Variants in SNTB1 observed in about 807,000 individuals in gnomAD.
The protein encoded by SNTB1 is syntrophin beta 1.
Under a neutral mutation model 48.9 loss-of-function variants are expected in SNTB1, and 36 were observed. That is an observed-to-expected ratio of 0.74 (90% CI 0.56 to 0.97). The LOEUF is 0.97. SNTB1 is among the 50% of genes least tolerant of loss of function. The probability of loss-of-function intolerance (pLI) is 0.00; values close to 1 mark genes in which losing one functional copy is unlikely to be tolerated. For missense variants in SNTB1, 786 were observed against 703.4 expected (o/e 1.12, Z -1.33); for synonymous variants, 299 against 294.6 (o/e 1.01, Z -0.15).
chr8:120,667,699 C>G (rs1817696480), intron 2 of SNTB1, among the ~76,000 whole-genome samples: 1 of 151,978 alleles, frequency 6.6e-6, no homozygotes, highest in South Asian at 2.1e-4. Flanking sequence ...TGAATTTTAC[C>G]TTATTGAAGG....
At chr8:120,607,425 C>CT (rs1816542917) in intron 3 of SNTB1, among the ~76,000 whole-genome samples, 1 of 122,782 alleles carries the variant, frequency 8.1e-6, no homozygotes, top group African/African-American at 3.7e-5. Context: ...AAAAAGTATA[C>CT]TTTAAGTTTT....
At chr8:120,695,027 A>T (rs372777275) in intron 1 of SNTB1, among the ~76,000 whole-genome samples, 5 of 152,146 alleles carry the variant, frequency 3.3e-5, no homozygotes, top group Admixed American at 2.6e-4. Flanking sequence ...GAATTTGAGC[A>T]TTTGGTCTTT....
At chr8:120,695,056 C>G (rs1016405854) in intron 1 of SNTB1, among the ~76,000 whole-genome samples, 1 of 152,130 alleles carries the variant, frequency 6.6e-6, no homozygotes, top group Admixed American at 6.6e-5. Flanking sequence ...TTTGGGTTAA[C>G]AGGGCAACGA....
Position 120,536,717 on chromosome 8 carries a change from ATG to A in SNTB1, c.*2158_*2159del, listed in dbSNP as rs772637590. ...AATTAAATGTTTATAAATGTAGAGA[ATG>A]TAGTTTCCATTGACCCCCACACAGA... On this transcript the variant is annotated 3_prime_UTR_variant, in exon 7 of 7. Coordinates refer to ENST00000517992, the MANE Select transcript of SNTB1 (RefSeq NM_021021.4). The A allele has an allele frequency of 6.6e-6, 1 of 152,102 alleles. No individual in the cohort carries two copies. The highest frequency in any genetic ancestry group is 1.9e-4 in the East Asian group (1 of 5,194). 9.4% of individuals were successfully genotyped at this position (152,102 alleles called of 1,614,324 possible).
chr8:120,640,698 T>G (rs1256398974), intron 2 of SNTB1, among the ~76,000 whole-genome samples: 1 of 152,208 alleles, frequency 6.6e-6, no homozygotes, highest in Non-Finnish European at 1.5e-5. Flanking sequence ...TTTGCGTATG[T>G]TGAACCAGCC....
rs757400654 is a variant in SNTB1, at chr8:120,811,820, C to G, written c.24G>C (p.Ala8=). ...CTCCCGCGCCAGCCGGCCCAGCCGC[C>G]GCCGCCGCCGCCGCTACCGCCATCT... MAVAAAA[A]AAGPAGAGGG... The change falls in exon 1 of 7, where the codon GCG becomes GCC. Residue 8 remains alanine, a synonymous_variant. Transcript: ENST00000517992. 7.4e-7 allele frequency: 1 copy of G among 1,349,926 alleles called. No homozygotes were observed. Among genetic ancestry groups the G allele is most frequent in the East Asian group, 3.1e-5 (1 of 32,510 alleles). The allele number at this position is 1,349,926 out of a possible 1,614,324, so 83.6% of individuals were successfully genotyped here. A position where few individuals can be genotyped will look rare whatever the true frequency, so the allele number is the denominator to read the frequency against.
At chr8:120,664,245 G>A (rs1027661612) in intron 2 of SNTB1, among the ~76,000 whole-genome samples, 7 of 152,206 alleles carry the variant, frequency 4.6e-5, no homozygotes, top group African/African-American at 1.7e-4. Context: ...GGAGAATGAA[G>A]AGTGGGTATT....
chr8:120,679,003 C>T (rs1817884871), intron 2 of SNTB1, among the ~76,000 whole-genome samples: 1 of 152,232 alleles, frequency 6.6e-6, no homozygotes, highest in Non-Finnish European at 1.5e-5. Context: ...CCTCCCAGGG[C>T]TATAGTCCTC....
At chr8:120,555,966 C>G (rs2130661128) in intron 4 of SNTB1, among the ~76,000 whole-genome samples, 1 of 152,312 alleles carries the variant, frequency 6.6e-6, no homozygotes, top group African/African-American at 2.4e-5. Flanking sequence ...TCTTGGACTT[C>G]CAGCCTCCAG....
intron 4 of SNTB1, among the ~76,000 whole-genome samples, chr8:120,556,653 CA>C (rs1161202913): frequency 1.3e-5 from 2 of 152,170 alleles, no homozygotes; most frequent in African/African-American, 4.8e-5. Flanking sequence ...TCAAGGCCAT[CA>C]GACAAGATAA....
At chr8:120,582,488 C>A (rs1816064022) in intron 3 of SNTB1, among the ~76,000 whole-genome samples, 1 of 151,776 alleles carries the variant, frequency 6.6e-6, no homozygotes, top group African/African-American at 2.4e-5. Context: ...TCAACAAAAC[C>A]AAAATCTGTT....
At chr8:120,804,316 C>A (rs1475455772) in intron 1 of SNTB1, among the ~76,000 whole-genome samples, 2 of 151,954 alleles carry the variant, frequency 1.3e-5, no homozygotes, top group African/African-American at 4.8e-5. Context: ...CACATTTTAA[C>A]AGCCTAATAT....
intron 1 of SNTB1, among the ~76,000 whole-genome samples, chr8:120,768,496 G>A (rs562398770): frequency 5.8e-4 from 88 of 152,258 alleles, no homozygotes; most frequent in African/African-American, 2.1e-3. Context: ...CAATTACAGT[G>A]GGAGGAGGGG....
chr8:120,654,372 T>A (rs1258290481), intron 2 of SNTB1, among the ~76,000 whole-genome samples: 1 of 152,180 alleles, frequency 6.6e-6, no homozygotes. Context: ...GCCAGTCTTT[T>A]ATAACTCCTA....
chr8:120,697,769 T>C (rs995890342), intron 1 of SNTB1, among the ~76,000 whole-genome samples: 13 of 152,242 alleles, frequency 8.5e-5, no homozygotes, highest in Admixed American at 8.5e-4. Flanking sequence ...ATAGTATGTT[T>C]ACAGAGACAA....
chr8:120,802,523 G>A (rs1188419088), intron 1 of SNTB1, among the ~76,000 whole-genome samples: 8 of 152,020 alleles, frequency 5.3e-5, no homozygotes, highest in South Asian at 4.1e-4. Context: ...AAATACACCC[G>A]TGTGGAATCA....
chr8:120,547,139 T>C (rs946717249), intron 5 of SNTB1, among the ~76,000 whole-genome samples: 10 of 152,222 alleles, frequency 6.6e-5, no homozygotes, highest in East Asian at 1.9e-4. Flanking sequence ...TTGGATGAGA[T>C]AGGCAAAGTA....
chr8:120,552,078 G>A (rs919483929), intron 4 of SNTB1, among the ~76,000 whole-genome samples: 1 of 152,170 alleles, frequency 6.6e-6, no homozygotes, highest in African/African-American at 2.4e-5. Flanking sequence ...TGTAGAGGCA[G>A]AAGCAAAGTG....
intron 3 of SNTB1, among the ~76,000 whole-genome samples, chr8:120,575,788 C>T (rs4515597): frequency 6.6e-6 from 1 of 151,982 alleles, no homozygotes; most frequent in African/African-American, 2.4e-5. Context: ...CATTCACCAC[C>T]CATAATTTAT....
Sources: allele counts gnomAD v4.1 joint callset (sites outside exome capture counted in the v4.1 genomes callset), GRCh38; gene constraint gnomAD v4.1.1; transcripts MANE v1.5; gene names NCBI Gene and HGNC (gene_info 2026-07-23, HGNC 2026-07-21).